Variants in TJP1 observed in about 807,000 individuals in gnomAD.
TJP1 encodes tight junction protein ZO-1.
In TJP1, 43 loss-of-function variants were observed where a neutral mutation model predicts 194.2. That is an observed-to-expected ratio of 0.22 (90% confidence interval 0.17 to 0.29). TJP1 has a LOEUF of 0.29. Among genes scored for constraint, TJP1 ranks in the 10% least tolerant of loss-of-function variants. The pLI is 1.00. For missense variants in TJP1, 1,971 were observed against 2,185.7 expected (o/e 0.90, Z 1.96); for synonymous variants, 801 against 779.0 (o/e 1.03, Z -0.47).
intron 10 of TJP1, among the ~76,000 whole-genome samples, chr15:29,739,565 T>C (rs1342612834): frequency 6.6e-6 from 1 of 151,964 alleles, no homozygotes; most frequent in African/African-American, 2.4e-5. Context: ...TGCCTCAGCC[T>C]CCCGAGTAGC....
intron 2 of TJP1, among the ~76,000 whole-genome samples, chr15:29,847,662 G>A (rs759213023): frequency 2.0e-5 from 3 of 152,130 alleles, no homozygotes; most frequent in Non-Finnish European, 4.4e-5. Flanking sequence ...GTGCGTGCCT[G>A]TAGTCCCAGC....
At chr15:29,848,366 G>A (rs577198582) in intron 2 of TJP1, among the ~76,000 whole-genome samples, 1 of 152,102 alleles carries the variant, frequency 6.6e-6, no homozygotes, top group South Asian at 2.1e-4. Context: ...ATCAATTTTT[G>A]TTTTGTGCAT....
chr15:29,953,139 G>GTTTTTTTTTTTTTT (rs1406936700), intron 2 of TJP1, among the ~76,000 whole-genome samples: 3 of 64,764 alleles, frequency 4.6e-5, no homozygotes, highest in African/African-American at 9.9e-5. Context: ...AAAGAAGACA[G>GTTTTTTTTTTTTTT]ATTTTTTTTT....
chr15:29,827,039 G>A (rs993381666), upstream of TJP1, among the ~76,000 whole-genome samples: 3 of 152,126 alleles, frequency 2.0e-5, no homozygotes, highest in Non-Finnish European at 2.9e-5. Context: ...CTGCTGAAAG[G>A]GATCCAAGCA....
chr15:29,717,978 T>A, intron 22 of TJP1, 43 bp downstream of exon 22: 1 of 1,527,100 alleles, frequency 6.5e-7, no homozygotes, highest in East Asian at 2.2e-5. Context: ...AGGGTTAAAT[T>A]CCTGGTCAGT....
chr15:29,751,752 C>G (rs937061465), intron 8 of TJP1, among the ~76,000 whole-genome samples: 9 of 152,124 alleles, frequency 5.9e-5, no homozygotes, highest in African/African-American at 2.2e-4. Context: ...TCAGAGAAAA[C>G]AGAAAATTGT....
At chr15:29,752,884 T>C (rs2045379790) in intron 8 of TJP1, among the ~76,000 whole-genome samples, 1 of 152,172 alleles carries the variant, frequency 6.6e-6, no homozygotes, top group Admixed American at 6.5e-5. Flanking sequence ...ACATGGGCTA[T>C]ATTGCTGCCC....
At chr15:29,876,394 G>A (rs1333468838) in intron 2 of TJP1, among the ~76,000 whole-genome samples, 2 of 152,184 alleles carry the variant, frequency 1.3e-5, no homozygotes, top group African/African-American at 2.4e-5. Context: ...GGTGGTGCAT[G>A]TCTGTAATCC....
chr15:29,793,820 T>G (rs74710884), intron 2 of TJP1, among the ~76,000 whole-genome samples: 3 of 152,168 alleles, frequency 2.0e-5, no homozygotes, highest in Non-Finnish European at 4.4e-5. Flanking sequence ...TCAGAGTATG[T>G]TGAACCATCC....
intron 8 of TJP1, chr15:29,760,343 A>T: frequency 1.5e-6 from 1 of 678,024 alleles, no homozygotes; most frequent in Non-Finnish European, 2.7e-6. Flanking sequence ...GTCATATACT[A>T]CCAGTATACC....
intron 2 of TJP1, among the ~76,000 whole-genome samples, chr15:29,887,283 T>C (rs2053148687): frequency 2.0e-5 from 3 of 147,412 alleles, no homozygotes; most frequent in African/African-American, 7.4e-5. Context: ...ACATATATAA[T>C]ATAAATATAT....
chr15:29,748,269 A>G (rs1404383567), intron 8 of TJP1, among the ~76,000 whole-genome samples: 1 of 152,202 alleles, frequency 6.6e-6, no homozygotes, highest in Non-Finnish European at 1.5e-5. Context: ...TCAAAATCCA[A>G]TGTGCATTTC....
At position 29,962,359 on chromosome 15, in the gene TJP1, C is replaced by T. The variant is rs547716413; in HGVS notation, c.174-5995G>A. Among the ~76,000 whole-genome samples, 5 of 152,328 alleles carry T rather than the reference C, an allele frequency of 3.3e-5. No homozygotes were observed. In the East Asian group the frequency reaches 5.8e-4, roughly 18 times the overall value. On this transcript the variant is annotated intron_variant, in intron 1 of 28. Coordinates refer to the TJP1 transcript ENST00000356107. ...TAAGACAAACAACTCCCAAGCTCAT[C>T]TACACCACCCATTTCTAATTTCCAG...
chr15:29,966,435 G>A (rs1266510970), intron 1 of TJP1, among the ~76,000 whole-genome samples: 2 of 152,052 alleles, frequency 1.3e-5, no homozygotes, highest in Non-Finnish European at 2.9e-5. Flanking sequence ...ATCCTGGAGT[G>A]GAGGTTGCAA....
At chr15:29,911,006 T>C (rs1275702843) in intron 2 of TJP1, among the ~76,000 whole-genome samples, 1 of 152,236 alleles carries the variant, frequency 6.6e-6, no homozygotes, top group African/African-American at 2.4e-5. Context: ...ACTCTGTTGC[T>C]TTCAGACCAC....
At chr15:29,719,315 T>G (rs2042786687) in intron 20 of TJP1, among the ~76,000 whole-genome samples, 177 bp from the exon 21 acceptor site, 3 of 152,142 alleles carry the variant, frequency 2.0e-5, no homozygotes, top group African/African-American at 7.2e-5. Context: ...AGCTCAAAAT[T>G]TATAATGCAG....
At chr15:29,895,486 CT>C (rs2053449240) in intron 2 of TJP1, among the ~76,000 whole-genome samples, 1 of 152,276 alleles carries the variant, frequency 6.6e-6, no homozygotes, top group African/African-American at 2.4e-5. Flanking sequence ...CCTATGGTTT[CT>C]AATAACATGT....
At chr15:29,761,500 G>A in intron 7 of TJP1, 101 bp downstream of exon 7, 1 of 1,428,946 alleles carries the variant, frequency 7.0e-7, no homozygotes. Context: ...AAGGTGTTTG[G>A]CTGGTAGAAA....
chr15:29,958,771 C>G (rs1487495004), intron 1 of TJP1, among the ~76,000 whole-genome samples: 1 of 147,920 alleles, frequency 6.8e-6, no homozygotes, highest in Admixed American at 6.8e-5. Flanking sequence ...CATTCCCCCT[C>G]TTTCCCAGCA....
Sources: allele counts gnomAD v4.1 joint callset (sites outside exome capture counted in the v4.1 genomes callset), GRCh38; gene constraint gnomAD v4.1.1; transcripts MANE v1.5; gene names NCBI Gene and HGNC (gene_info 2026-07-23, HGNC 2026-07-21).